FOXP1: variants seen among roughly 807,000 people sequenced by gnomAD.
The protein encoded by FOXP1 is forkhead box P1.
Under a neutral mutation model 98.2 loss-of-function variants are expected in FOXP1, and 15 were observed. The ratio of observed to expected loss-of-function variants is 0.15; its 90% confidence interval spans 0.10 to 0.24. The LOEUF is 0.24. Among genes scored for constraint, FOXP1 ranks in the 10% least tolerant of loss-of-function variants. FOXP1 has a pLI of 1.00. For missense variants in FOXP1, 633 were observed against 848.5 expected, an observed-to-expected ratio of 0.75 and a Z score of 3.15; for synonymous variants, 371 against 314.5, an observed-to-expected ratio of 1.18 and a Z score of -1.90.
At chr3:71,276,955 C>CTT (rs34014285) in intron 5 of FOXP1, among the ~76,000 whole-genome samples, 12,976 of 129,388 alleles carry the variant, frequency 0.1, 832 homozygotes, top group East Asian at 0.22. Flanking sequence ...AGTAGATCAA[C>CTT]TTTTTTTTTT....
intron 3 of FOXP1, among the ~76,000 whole-genome samples, chr3:71,412,332 G>A (rs1445220393): frequency 6.6e-6 from 1 of 152,162 alleles, no homozygotes; most frequent in Non-Finnish European, 1.5e-5. Flanking sequence ...ACATAATGGG[G>A]TTTATAGGGT....
At chr3:71,222,314 C>T (rs1297887871) in intron 5 of FOXP1, among the ~76,000 whole-genome samples, 1 of 152,208 alleles carries the variant, frequency 6.6e-6, no homozygotes, top group Non-Finnish European at 1.5e-5. Context: ...GTCTGTCACA[C>T]CTGACATGGA....
rs145739433 is a variant in FOXP1, at chr3:71,527,968, T to C, written c.-297-34413A>G. 3.1e-4 allele frequency among the ~76,000 whole-genome samples: 47 copies of C among 152,350 alleles called. 1 individual carries two copies. The East Asian group carries it at 6.9e-3, about 22-fold the overall frequency. ...TTTTCAGACAGCAATTCTGCAGTAA[T>C]GATACAGACTTTGGGTCATTCAAAG... On this transcript the variant is annotated intron_variant, in intron 2 of 20. Transcript: ENST00000649528.
At chr3:71,340,523 T>C (rs1348161686) in intron 4 of FOXP1, among the ~76,000 whole-genome samples, 2 of 152,230 alleles carry the variant, frequency 1.3e-5, no homozygotes, top group African/African-American at 2.4e-5. Context: ...GAAAATTGCA[T>C]TTTATTCTTA....
intron 3 of FOXP1, among the ~76,000 whole-genome samples, chr3:71,361,131 T>C (rs2078534769): frequency 6.6e-6 from 1 of 152,216 alleles, no homozygotes; most frequent in African/African-American, 2.4e-5. Flanking sequence ...TAAGAATGCA[T>C]CAAAAATGTT....
chr3:71,089,923 G>A (rs1478376931), intron 7 of FOXP1, among the ~76,000 whole-genome samples: 1 of 152,198 alleles, frequency 6.6e-6, no homozygotes, highest in Non-Finnish European at 1.5e-5. Context: ...GGAATGGGCA[G>A]CATTTCTCTG....
At chr3:71,344,371 A>G (rs890089392) in intron 4 of FOXP1, among the ~76,000 whole-genome samples, 2 of 152,182 alleles carry the variant, frequency 1.3e-5, no homozygotes, top group Non-Finnish European at 2.9e-5. Flanking sequence ...AAAACTTGCC[A>G]CCCACAAACA....
At chr3:71,452,560 A>G (rs1287603621) in intron 3 of FOXP1, among the ~76,000 whole-genome samples, 1 of 152,176 alleles carries the variant, frequency 6.6e-6, no homozygotes, top group Non-Finnish European at 1.5e-5. Flanking sequence ...ACTGACCCCC[A>G]AAGGAGGCTC....
intron 14 of FOXP1, among the ~76,000 whole-genome samples, chr3:70,985,091 G>A (rs1021643523): frequency 3.9e-5 from 6 of 152,114 alleles, no homozygotes; most frequent in African/African-American, 2.4e-5. Flanking sequence ...AAATAAACAC[G>A]AGGTTTCTTC....
intron 4 of FOXP1, among the ~76,000 whole-genome samples, chr3:71,314,530 A>AAAT (rs146397821): frequency 1.4e-5 from 2 of 143,370 alleles, no homozygotes; most frequent in African/African-American, 5.1e-5. Flanking sequence ...CCGTCTAAAA[A>AAAT]ATATATATAT....
intron 4 of FOXP1, among the ~76,000 whole-genome samples, chr3:71,302,446 T>C (rs1218109131): frequency 6.6e-6 from 1 of 151,190 alleles, no homozygotes; most frequent in Non-Finnish European, 1.5e-5. Context: ...ATCAACTATT[T>C]ACCTGTATGC....
chr3:71,162,490 A>G (rs2108150771), intron 6 of FOXP1, among the ~76,000 whole-genome samples: 2 of 152,374 alleles, frequency 1.3e-5, no homozygotes, highest in South Asian at 4.1e-4. Context: ...TAAGATGGTT[A>G]AGACTTTTTG....
intron 3 of FOXP1, among the ~76,000 whole-genome samples, chr3:71,398,284 T>G (rs1432240534): frequency 1.3e-5 from 2 of 152,208 alleles, no homozygotes; most frequent in Non-Finnish European, 2.9e-5. Context: ...TGTCTCCACT[T>G]GCTTCTGATT....
chr3:71,527,766 T>C (rs557069275), intron 2 of FOXP1, among the ~76,000 whole-genome samples: 10 of 152,304 alleles, frequency 6.6e-5, no homozygotes, highest in African/African-American at 2.2e-4. Context: ...TGCTGGGCCA[T>C]GCTTTACAAA....
rs769123792 is a variant in FOXP1 at position 70,958,338 on chromosome 3, T to C, written c.*909A>G. 19 of 535,968 alleles carry C rather than the reference T, an allele frequency of 3.5e-5. No homozygotes were observed. The highest frequency in any genetic ancestry group is 6.2e-5 in the Non-Finnish European group (17 of 276,308). The allele number at this position is 535,968 out of a possible 1,614,324, so 33.2% of individuals were successfully genotyped here. A position where few individuals can be genotyped will look rare whatever the true frequency, so the allele number is the denominator to read the frequency against. On this transcript the variant is annotated 3_prime_UTR_variant, in exon 21 of 21. Coordinates refer to ENST00000649528, the MANE Select transcript of FOXP1 (RefSeq NM_001349338.3). Reference sequence around the variant, plus strand: ...TTTTTTTTTCTGTCATTCATTCTCTTTCTGGCAGGACGTCACGTCTGTGTG... The same window carrying C: ...TTTTTTTTTCTGTCATTCATTCTCTCTCTGGCAGGACGTCACGTCTGTGTG...
rs76681290 is a variant in FOXP1, at chr3:71,320,901, G to A, written c.-72-21021C>T. Among the ~76,000 whole-genome samples, 1,111 of 152,174 alleles carry A rather than the reference G, an allele frequency of 7.3e-3. 28 individuals are homozygous for A. The highest frequency in any genetic ancestry group is 4.7e-3 in the Non-Finnish European group (318 of 67,998). ...AAGATATAAGAAATGTGTCACAGCT[G>A]ATATTTATGTGAATGACTGAGATAT... On this transcript the variant is annotated intron_variant, in intron 4 of 20. Transcript: ENST00000649528.
intron 3 of FOXP1, among the ~76,000 whole-genome samples, chr3:71,409,831 T>C (rs889690713): frequency 6.6e-6 from 1 of 152,130 alleles, no homozygotes; most frequent in East Asian, 1.9e-4. Context: ...CTGGGCAACA[T>C]GGCAAAACCT....
intron 7 of FOXP1, among the ~76,000 whole-genome samples, chr3:71,097,448 G>T (rs981811655): frequency 6.6e-6 from 1 of 152,096 alleles, no homozygotes; most frequent in Admixed American, 6.5e-5. Flanking sequence ...TCTTTACAGA[G>T]AAATTTTGTT....
At chr3:71,230,173 G>A (rs1034625428) in intron 5 of FOXP1, among the ~76,000 whole-genome samples, 4 of 152,338 alleles carry the variant, frequency 2.6e-5, no homozygotes, top group South Asian at 2.1e-4. Context: ...TGCAAAGGCC[G>A]CAGGCTTACA....
Sources: allele counts gnomAD v4.1 joint callset (sites outside exome capture counted in the v4.1 genomes callset), GRCh38; gene constraint gnomAD v4.1.1; transcripts MANE v1.5; gene names NCBI Gene and HGNC (gene_info 2026-07-23, HGNC 2026-07-21).